Variants in EYS observed in about 807,000 individuals in gnomAD.
The protein encoded by EYS is EGF-like photoreceptor maintenance factor.
EYS carries 250 observed loss-of-function variants against 282.1 expected under a neutral mutation model. The observed-to-expected ratio is 0.89, with a 90% CI of 0.80 to 0.98. The LOEUF (loss-of-function observed/expected upper bound fraction) is 0.98, where lower values mean the gene tolerates loss of function less well. EYS is among the 50% of genes least tolerant of loss of function. EYS has a pLI of 0.00. For synonymous variants in EYS, 1,355 were observed against 1,282.9 expected, an observed-to-expected ratio of 1.06 and a Z score of -1.20; for missense variants, 4,016 against 3,709.0, an observed-to-expected ratio of 1.08 and a Z score of -2.15.
intron 28 of EYS, among the ~76,000 whole-genome samples, chr6:64,432,872 T>G (rs978614366): frequency 3.0e-4 from 46 of 152,072 alleles, no homozygotes; most frequent in African/African-American, 1.0e-3. Flanking sequence ...TGACTGTCCC[T>G]TTCATTAAAA....
intron 18 of EYS, among the ~76,000 whole-genome samples, chr6:64,891,413 C>T (rs9354188): frequency 0.17 from 26,559 of 151,872 alleles, 2,606 homozygotes; most frequent in East Asian, 0.33. Context: ...GCTCTCTTCC[C>T]GCTCCCTGTG....
chr6:65,704,333 C>T (rs996929), intron 1 of EYS, among the ~76,000 whole-genome samples: 44,762 of 152,090 alleles, frequency 0.29, 7,475 homozygotes, highest in African/African-American at 0.46. Flanking sequence ...TGAAAATTCA[C>T]TTGCTAAAAA....
intron 35 of EYS, among the ~76,000 whole-genome samples, chr6:63,954,518 C>T (rs1176791081): frequency 6.6e-6 from 1 of 152,160 alleles, no homozygotes; most frequent in Non-Finnish European, 1.5e-5. Flanking sequence ...ATTAATGCCT[C>T]TTTAATAAAA....
intron 29 of EYS, among the ~76,000 whole-genome samples, chr6:64,316,025 T>A (rs918559123): frequency 1.3e-5 from 2 of 152,190 alleles, no homozygotes; most frequent in Non-Finnish European, 2.9e-5. Context: ...CAACCCTTCA[T>A]GCTAAAAACT....
At chr6:64,387,156 C>A (rs548541244) in intron 29 of EYS, among the ~76,000 whole-genome samples, 1 of 152,228 alleles carries the variant, frequency 6.6e-6, no homozygotes, top group East Asian at 1.9e-4. Flanking sequence ...ATCCCTCAGA[C>A]CTTTCCATTA....
chr6:65,049,790 T>A (rs1040259811), intron 13 of EYS, among the ~76,000 whole-genome samples: 2 of 151,784 alleles, frequency 1.3e-5, no homozygotes, highest in African/African-American at 4.8e-5. Context: ...ATGATTAGTA[T>A]AAAACGTACG....
Position 65,391,743 on chromosome 6 carries a change from G to A in EYS, c.1185-7243C>T, listed in dbSNP as rs1189952520. Among the ~76,000 whole-genome samples the A allele has an allele frequency of 3.9e-5, 6 of 152,148 alleles. No individual in the cohort carries two copies. In the East Asian group the frequency reaches 9.7e-4, roughly 25 times the overall value. On this transcript the variant is annotated intron_variant, in intron 7 of 42. Coordinates refer to ENST00000503581, the MANE Select transcript of EYS (RefSeq NM_001142800.2). ...TCAATATCATGAAAATGGCCATACTGCCCAAGGTAATTTACAGATTCAATG... is the reference window on the plus strand; with the variant it reads ...TCAATATCATGAAAATGGCCATACTACCCAAGGTAATTTACAGATTCAATG...
At chr6:65,113,590 A>T (rs1460747919) in intron 12 of EYS, among the ~76,000 whole-genome samples, 1 of 152,044 alleles carries the variant, frequency 6.6e-6, no homozygotes, top group Non-Finnish European at 1.5e-5. Context: ...TTTTTGAACA[A>T]GAATATATTT....
At chr6:64,048,447 TTGTCA>T (rs780720623) in intron 33 of EYS, among the ~76,000 whole-genome samples, 57 of 152,068 alleles carry the variant, frequency 3.7e-4, no homozygotes, top group Non-Finnish European at 6.3e-4. Flanking sequence ...TGACCGTGCC[TTGTCA>T]TAGTCATCCG....
intron 22 of EYS, among the ~76,000 whole-genome samples, chr6:64,706,530 C>A (rs527769279): frequency 6.6e-6 from 1 of 152,222 alleles, no homozygotes; most frequent in South Asian, 2.1e-4. Flanking sequence ...AGACAACTCA[C>A]AGAATGGGAG....
At chr6:64,227,234 T>G (rs1239248764) in intron 31 of EYS, among the ~76,000 whole-genome samples, 2 of 152,026 alleles carry the variant, frequency 1.3e-5, no homozygotes, top group East Asian at 3.9e-4. Flanking sequence ...ACCCAATGTG[T>G]TTTTCAGTTT....
intron 2 of EYS, among the ~76,000 whole-genome samples, chr6:65,518,884 C>A (rs989863537): frequency 2.0e-5 from 3 of 152,088 alleles, no homozygotes; most frequent in Non-Finnish European, 2.9e-5. Context: ...ATGAGAAAGA[C>A]CCGCCCCCAT....
intron 22 of EYS, among the ~76,000 whole-genome samples, chr6:64,767,546 T>C (rs1395912225): frequency 6.6e-6 from 1 of 152,172 alleles, no homozygotes; most frequent in African/African-American, 2.4e-5. Context: ...GATAACTTTC[T>C]GTTTCTGGCT....
chr6:64,752,889 A>T (rs1235497825), intron 22 of EYS, among the ~76,000 whole-genome samples: 1 of 152,160 alleles, frequency 6.6e-6, no homozygotes, highest in Non-Finnish European at 1.5e-5. Flanking sequence ...CCTAGAGAAA[A>T]TGGATACATT....
intron 5 of EYS, among the ~76,000 whole-genome samples, chr6:65,406,510 C>G (rs1766746104): frequency 6.6e-6 from 1 of 151,934 alleles, no homozygotes; most frequent in African/African-American, 2.4e-5. Context: ...TTGCCTAACC[C>G]AAGGTCATGA....
At chr6:63,892,744 C>G (rs1462314627) in intron 35 of EYS, among the ~76,000 whole-genome samples, 1 of 152,092 alleles carries the variant, frequency 6.6e-6, no homozygotes, top group African/African-American at 2.4e-5. Context: ...TCTAATTAAA[C>G]TAAAGAGCTT....
At chr6:64,880,440 T>C (rs561898338) in intron 19 of EYS, among the ~76,000 whole-genome samples, 1 of 151,980 alleles carries the variant, frequency 6.6e-6, no homozygotes, top group Non-Finnish European at 1.5e-5. Context: ...AAATATCAGT[T>C]AGTAAGGAAC....
rs192763235 is a variant in EYS at position 64,611,872 on chromosome 6, T to A, written c.3684+5546A>T. Among the ~76,000 whole-genome samples the A allele has an allele frequency of 6.7e-4, 102 of 152,292 alleles. 2 individuals are homozygous for A. Among genetic ancestry groups the A allele is most frequent in the Admixed American group, 6.7e-3 (102 of 15,292 alleles). Reference sequence around the variant, plus strand: ...TAAATGTCAAAACCACAAAAATATCTACTTAAAAGAGCATTACGAGTTTGT... The same window carrying A: ...TAAATGTCAAAACCACAAAAATATCAACTTAAAAGAGCATTACGAGTTTGT... On this transcript the variant is annotated intron_variant, in intron 24 of 42. Coordinates refer to ENST00000503581, the MANE Select transcript of EYS (RefSeq NM_001142800.2).
intron 5 of EYS, among the ~76,000 whole-genome samples, chr6:65,457,177 A>T (rs1021163483): frequency 6.6e-6 from 1 of 151,550 alleles, no homozygotes; most frequent in South Asian, 2.1e-4. Context: ...TTATTTATTT[A>T]TTTTTTTAGA....
Sources: gnomAD v4.1 joint callset for allele counts (sites outside exome capture counted in the v4.1 genomes callset) on GRCh38, gnomAD v4.1.1 for gene constraint, MANE v1.5 for transcripts, NCBI Gene and HGNC (gene_info 2026-07-23, HGNC 2026-07-21) for gene names.